FTO: variants seen among roughly 807,000 people sequenced by gnomAD.
The protein encoded by FTO is alpha-ketoglutarate-dependent dioxygenase FTO.
Under a neutral mutation model 63.9 loss-of-function variants are expected in FTO, and 47 were observed. The ratio of observed to expected loss-of-function variants is 0.74; its 90% CI spans 0.58 to 0.94. FTO has a LOEUF of 0.94. Among genes scored for constraint, FTO ranks in the 40% least tolerant of loss-of-function variants. FTO has a pLI of 0.00. For missense variants in FTO, 562 were observed against 618.1 expected (o/e 0.91, Z 0.96); for synonymous variants, 207 against 224.4 (o/e 0.92, Z 0.69).
At chr16:54,105,900 T>A (rs2086740232) in intron 8 of FTO, among the ~76,000 whole-genome samples, 1 of 152,044 alleles carries the variant, frequency 6.6e-6, no homozygotes, top group East Asian at 1.9e-4. Flanking sequence ...GTAATGGAAA[T>A]GTTACCTGTC....
chr16:54,033,612 T>C (rs1252965162), intron 8 of FTO, among the ~76,000 whole-genome samples: 9 of 151,912 alleles, frequency 5.9e-5, no homozygotes, highest in African/African-American at 1.7e-4. Context: ...AGGCCAGAAG[T>C]TCAAGACCAG....
At chr16:53,754,970 A>G (rs1179259246) in intron 1 of FTO, among the ~76,000 whole-genome samples, 1 of 152,204 alleles carries the variant, frequency 6.6e-6, no homozygotes, top group African/African-American at 2.4e-5. Flanking sequence ...GGACAACTGT[A>G]CAAACACCAT....
chr16:53,823,228 A>G (rs1456905935), intron 2 of FTO, among the ~76,000 whole-genome samples: 1 of 152,174 alleles, frequency 6.6e-6, no homozygotes, highest in Non-Finnish European at 1.5e-5. Flanking sequence ...TCTCAGTGTC[A>G]GGTGACATAG....
chr16:53,878,199 G>A (rs2080720680), intron 5 of FTO, among the ~76,000 whole-genome samples: 2 of 152,154 alleles, frequency 1.3e-5, no homozygotes, highest in African/African-American at 4.8e-5. Flanking sequence ...TTGGGAGGCT[G>A]AGGCAGGAGA....
chr16:53,947,065 C>G (rs186742814), intron 8 of FTO, among the ~76,000 whole-genome samples: 29 of 152,296 alleles, frequency 1.9e-4, no homozygotes, highest in Admixed American at 5.2e-4. Context: ...TAAAATGTAA[C>G]TTGGGGAACT....
At chr16:53,820,742 TC>T (rs1300236296) in intron 2 of FTO, among the ~76,000 whole-genome samples, 10 of 151,822 alleles carry the variant, frequency 6.6e-5, no homozygotes, top group Non-Finnish European at 1.5e-4. Flanking sequence ...GGTTTTTTGT[TC>T]TTGCGATAGT....
chr16:54,102,793 G>C (rs1321436828), intron 8 of FTO, among the ~76,000 whole-genome samples: 1 of 152,132 alleles, frequency 6.6e-6, no homozygotes, highest in African/African-American at 2.4e-5. Context: ...AGACCCACAG[G>C]AAGGACTCTC....
intron 5 of FTO, among the ~76,000 whole-genome samples, chr16:53,874,493 A>AGAGG (rs2080591307): frequency 6.6e-6 from 1 of 152,220 alleles, no homozygotes; most frequent in Non-Finnish European, 1.5e-5. Flanking sequence ...TACTCAGTTA[A>AGAGG]GAGGGGTTCC....
intron 3 of FTO, among the ~76,000 whole-genome samples, chr16:53,835,435 A>G (rs1305712632): frequency 6.6e-6 from 1 of 152,162 alleles, no homozygotes; most frequent in Non-Finnish European, 1.5e-5. Flanking sequence ...GTCTTCAATC[A>G]TCTTTATTCC....
intron 5 of FTO, among the ~76,000 whole-genome samples, chr16:53,877,586 G>T (rs984736796): frequency 2.0e-5 from 3 of 152,116 alleles, no homozygotes; most frequent in African/African-American, 7.2e-5. Context: ...ATGGCACAGG[G>T]TTTCTTTTTG....
intron 8 of FTO, among the ~76,000 whole-genome samples, chr16:54,033,481 G>A (rs972913213): frequency 5.9e-5 from 9 of 152,194 alleles, no homozygotes; most frequent in Non-Finnish European, 1.0e-4. Flanking sequence ...CCAAAAGGTT[G>A]AATTTAATGC....
At chr16:53,855,477 T>A (rs1387320917) in intron 4 of FTO, among the ~76,000 whole-genome samples, 2 of 152,232 alleles carry the variant, frequency 1.3e-5, no homozygotes, top group Non-Finnish European at 2.9e-5. Context: ...ACACAGTACT[T>A]TGAATATGGC....
At chr16:54,072,719 C>A (rs1773789814) in intron 8 of FTO, among the ~76,000 whole-genome samples, 1 of 152,122 alleles carries the variant, frequency 6.6e-6, no homozygotes. Flanking sequence ...GTGCCCCGCC[C>A]CATCCTCACA....
At chr16:53,966,052 G>C (rs868826269) in intron 8 of FTO, among the ~76,000 whole-genome samples, 7 of 152,206 alleles carry the variant, frequency 4.6e-5, no homozygotes, top group Middle Eastern at 3.4e-3. Flanking sequence ...GTTTTTAGTA[G>C]AGATGGGGTT....
At chr16:53,923,655 T>C (rs2082062718) in intron 7 of FTO, among the ~76,000 whole-genome samples, 1 of 151,904 alleles carries the variant, frequency 6.6e-6, no homozygotes, top group Non-Finnish European at 1.5e-5. Context: ...CTCTTTACCT[T>C]TCTCCCCCAC....
At chr16:53,720,971 G>A (rs1279234303) in intron 1 of FTO, among the ~76,000 whole-genome samples, 4 of 151,928 alleles carry the variant, frequency 2.6e-5, no homozygotes, top group South Asian at 2.1e-4. Flanking sequence ...TGTACATTTT[G>A]TAGAGACTGG....
At chr16:53,955,868 G>A (rs779424028) in intron 8 of FTO, among the ~76,000 whole-genome samples, 1 of 152,186 alleles carries the variant, frequency 6.6e-6, no homozygotes, top group Non-Finnish European at 1.5e-5. Context: ...TTGAGGCTGG[G>A]CGTGATGGCT....
chr16:53,956,744 C>A (rs907398861), intron 8 of FTO: 4 of 151,946 alleles, frequency 2.6e-5, no homozygotes, highest in African/African-American at 9.7e-5. Flanking sequence ...CTCACTGCAA[C>A]CTCCACCTCC....
intron 8 of FTO, among the ~76,000 whole-genome samples, chr16:53,934,744 G>A (rs2082351010): frequency 6.6e-6 from 1 of 152,170 alleles, no homozygotes; most frequent in South Asian, 2.1e-4. Flanking sequence ...GCATAGCTAA[G>A]TATAGAAAAG....
Sources: allele counts gnomAD v4.1 joint callset (sites outside exome capture counted in the v4.1 genomes callset), GRCh38; gene constraint gnomAD v4.1.1; transcripts MANE v1.5; gene names NCBI Gene and HGNC (gene_info 2026-07-23, HGNC 2026-07-21).